Variants in PLCB4 observed in about 807,000 individuals in gnomAD.
PLCB4 encodes phospholipase C beta 4.
A neutral mutation model predicts 178.8 loss-of-function variants in PLCB4; 77 were observed. The observed-to-expected ratio is 0.43, with a 90% CI of 0.36 to 0.52. The LOEUF (loss-of-function observed/expected upper bound fraction) is 0.52. Ranked by LOEUF, PLCB4 falls within the 20% of genes least tolerant of loss-of-function variation. The probability of loss-of-function intolerance (pLI) is 0.00; values close to 1 mark genes in which losing one functional copy is unlikely to be tolerated. For synonymous variants in PLCB4, 496 were observed against 490.8 expected, an observed-to-expected ratio of 1.01 and a Z score of -0.14; for missense variants, 1,024 against 1,453.4, an observed-to-expected ratio of 0.70 and a Z score of 4.80.
At chr20:9,389,500 T>C (rs1217536793) in intron 15 of PLCB4, among the ~76,000 whole-genome samples, 1 of 152,196 alleles carries the variant, frequency 6.6e-6, no homozygotes, top group East Asian at 1.9e-4. Context: ...GGAGGAGTCA[T>C]ACAGTGGTCG....
chr20:9,403,008 A>C (rs2039154078), intron 20 of PLCB4, among the ~76,000 whole-genome samples: 2 of 152,272 alleles, frequency 1.3e-5, no homozygotes, highest in Non-Finnish European at 2.9e-5. Flanking sequence ...TAGTTTCCTC[A>C]TCTGCAAAGT....
chr20:9,459,696 C>A lies in PLCB4; in HGVS notation c.3134C>A (p.Ala1045Asp). Residue 1045 changes from alanine (A) to aspartate (D), a missense_variant, in exon 35 of 40, where the codon GCT becomes GAT. By Grantham distance (126) the Ala-to-Asp change is moderately radical (BLOSUM62 -2). Transcript: ENST00000378473. ...TCAGAAATGATCAATACCCACAGTGCTGAGGAGCAAGAAATCCGAGACCTG... is the reference window on the plus strand; with the variant it reads ...TCAGAAATGATCAATACCCACAGTGATGAGGAGCAAGAAATCCGAGACCTG... ...EWSEMINTHSAEEQEIRDLHL... is the reference protein window; with the variant it reads ...EWSEMINTHSDEEQEIRDLHL... 6.2e-7 allele frequency: 1 copy of A among 1,612,732 alleles called. No homozygotes were observed. The highest frequency in any genetic ancestry group is 8.5e-7 in the Non-Finnish European group (1 of 1,178,902).
chr20:9,469,523 G>A (rs894081026), intron 36 of PLCB4, among the ~76,000 whole-genome samples: 1 of 152,204 alleles, frequency 6.6e-6, no homozygotes, highest in Non-Finnish European at 1.5e-5. Context: ...AGGAATTGAT[G>A]TGCTTGTGAT....
At chr20:9,273,456 A>G (rs1244805802) in intron 3 of PLCB4, among the ~76,000 whole-genome samples, 2 of 152,098 alleles carry the variant, frequency 1.3e-5, no homozygotes, top group Non-Finnish European at 2.9e-5. Flanking sequence ...GTCTGACTCC[A>G]GAGCCCATAC....
chr20:9,154,525 T>C (rs1033842251), intron 2 of PLCB4, among the ~76,000 whole-genome samples: 1 of 152,178 alleles, frequency 6.6e-6, no homozygotes, highest in African/African-American at 2.4e-5. Flanking sequence ...CTGTGGCTGG[T>C]GTGCATAATG....
chr20:9,280,121 C>A (rs748715852), intron 3 of PLCB4, among the ~76,000 whole-genome samples: 1 of 151,914 alleles, frequency 6.6e-6, no homozygotes, highest in Non-Finnish European at 1.5e-5. Flanking sequence ...TGCTAGAAGC[C>A]AAAAGACTGT....
At chr20:9,134,334 A>G (rs1318957977) in intron 2 of PLCB4, among the ~76,000 whole-genome samples, 2 of 152,182 alleles carry the variant, frequency 1.3e-5, no homozygotes, top group Non-Finnish European at 2.9e-5. Context: ...CTGTTACTTA[A>G]TAATTTTATA....
At chr20:9,261,817 T>C (rs895858848) in intron 3 of PLCB4, among the ~76,000 whole-genome samples, 1 of 152,166 alleles carries the variant, frequency 6.6e-6, no homozygotes, top group African/African-American at 2.4e-5. Flanking sequence ...GCTGTGCACT[T>C]CGATACTCTC....
rs1365765742 is a variant in PLCB4 at position 9,134,714 on chromosome 20, C to CT, written c.-79+38377dup. ...AGTCCTTCTCAGAGGCTAATTGTTA[C>CT]TTTTTATGTTTTTTATTTGATAACC... is the stretch of plus-strand genomic sequence containing the variant. On this transcript the variant is annotated intron_variant, in intron 2 of 39. Transcript: ENST00000378473. Among the ~76,000 whole-genome samples the CT allele has an allele frequency of 8.2e-4, 125 of 152,142 alleles. 2 individuals are homozygous for CT. The highest frequency in any genetic ancestry group is 2.9e-3 in the African/African-American group (120 of 41,502).
At chr20:9,201,755 G>A (rs570399007) in intron 2 of PLCB4, among the ~76,000 whole-genome samples, 1 of 152,304 alleles carries the variant, frequency 6.6e-6, no homozygotes, top group South Asian at 2.1e-4. Flanking sequence ...GGGTGAAAAT[G>A]CAGAGTATCT....
chr20:9,309,804 T>C, intron 4 of PLCB4, among the ~76,000 whole-genome samples: 1 of 152,238 alleles, frequency 6.6e-6, no homozygotes, highest in East Asian at 1.9e-4. Context: ...ATCCTTCTTA[T>C]TGCTTGTGTT....
intron 2 of PLCB4, among the ~76,000 whole-genome samples, chr20:9,206,876 T>C (rs2093621136): frequency 6.6e-6 from 1 of 152,152 alleles, no homozygotes; most frequent in South Asian, 2.1e-4. Flanking sequence ...CCAATACCCT[T>C]GGGAGGCTGA....
chr20:9,203,054 AAAAT>A lies in PLCB4; in HGVS notation c.-78-14334_-78-14331del, dbSNP rs1307641436. Among the ~76,000 whole-genome samples the A allele has an allele frequency of 5.1e-3, 648 of 127,374 alleles. 6 individuals are homozygous for A. The highest frequency in any genetic ancestry group is 0.021 in the African/African-American group (619 of 29,136). 83.6% of individuals were successfully genotyped at this position (127,374 alleles called of 152,430 possible). On this transcript the variant is annotated intron_variant, in intron 2 of 39. Transcript: ENST00000378473. ...GTTGTCTTTGGTAAAAAAAAAAAAA[AAAAT>A]ATATATATATATATATATATATGAC...
At chr20:9,113,918 A>C (rs899659991) in intron 2 of PLCB4, among the ~76,000 whole-genome samples, 8 of 152,042 alleles carry the variant, frequency 5.3e-5, no homozygotes, top group Admixed American at 2.0e-4. Context: ...ATTTTTGCTC[A>C]AGTTGTGATG....
chr20:9,146,009 A>G (rs2092591899), intron 2 of PLCB4, among the ~76,000 whole-genome samples: 1 of 152,138 alleles, frequency 6.6e-6, no homozygotes, highest in Non-Finnish European at 1.5e-5. Flanking sequence ...TCTAGAGGTC[A>G]TATTTTATGT....
intron 2 of PLCB4, among the ~76,000 whole-genome samples, chr20:9,202,963 C>G (rs1223847924): frequency 6.7e-6 from 1 of 149,342 alleles, no homozygotes; most frequent in African/African-American, 2.5e-5. Context: ...ACTGCTGTAT[C>G]GCACTGTGTT....
intron 2 of PLCB4, among the ~76,000 whole-genome samples, chr20:9,174,731 G>A (rs1265462782): frequency 2.0e-5 from 3 of 152,196 alleles, no homozygotes; most frequent in East Asian, 3.9e-4. Context: ...TTTGTCATCT[G>A]ACACTGGAAA....
chr20:9,134,363 AAATT>A (rs532505750), intron 2 of PLCB4, among the ~76,000 whole-genome samples: 146 of 152,318 alleles, frequency 9.6e-4, no homozygotes, highest in Non-Finnish European at 1.6e-3. Context: ...CATAAGTAAT[AAATT>A]AGTACTTCTA....
intron 3 of PLCB4, among the ~76,000 whole-genome samples, chr20:9,260,872 T>C (rs1193807868): frequency 6.6e-6 from 1 of 152,148 alleles, no homozygotes; most frequent in Non-Finnish European, 1.5e-5. Context: ...CCGGAGACTA[T>C]CTTAGAACAG....
Sources: allele counts gnomAD v4.1 joint callset (sites outside exome capture counted in the v4.1 genomes callset), GRCh38; gene constraint gnomAD v4.1.1; transcripts MANE v1.5; gene names NCBI Gene and HGNC (gene_info 2026-07-23, HGNC 2026-07-21).